The following TASOR variants were observed in gnomAD, a reference collection of about 807,000 sequenced individuals.
TASOR encodes the protein transcription activation suppressor, also known as protein TASOR.
Under a neutral mutation model 178.6 loss-of-function variants are expected in TASOR, and 53 were observed. The observed-to-expected ratio is 0.30, with a 90% CI of 0.24 to 0.37. TASOR has a LOEUF of 0.37. Among genes scored for constraint, TASOR ranks in the 10% least tolerant of loss-of-function variants. TASOR has a pLI of 1.00. For synonymous variants in TASOR, 713 were observed against 696.2 expected (o/e 1.02, Z -0.38); for missense variants, 1,815 against 1,971.4 (o/e 0.92, Z 1.50).
intron 11 of TASOR, among the ~76,000 whole-genome samples, chr3:56,653,883 C>T (rs1255574278): frequency 2.0e-5 from 3 of 151,984 alleles, no homozygotes; most frequent in South Asian, 2.1e-4. Context: ...CACATTAAAA[C>T]GTGAAATGCA....
At chr3:56,675,649 TAG>T (rs1559855685) in intron 1 of TASOR, among the ~76,000 whole-genome samples, 1 of 152,204 alleles carries the variant, frequency 6.6e-6, no homozygotes, top group Non-Finnish European at 1.5e-5. Flanking sequence ...CTTTTCACTG[TAG>T]AGAGAACTAC....
chr3:56,630,689 C>CA (rs1444350824), intron 18 of TASOR, among the ~76,000 whole-genome samples: 1 of 151,842 alleles, frequency 6.6e-6, no homozygotes, highest in Non-Finnish European at 1.5e-5. Context: ...ACTAAAAATA[C>CA]AAAAAATTAG....
intron 11 of TASOR, among the ~76,000 whole-genome samples, chr3:56,650,822 T>C (rs1559835470): frequency 6.6e-6 from 1 of 152,224 alleles, no homozygotes; most frequent in Non-Finnish European, 1.5e-5. Context: ...CTAAGTCTCT[T>C]AGAGTATACT....
Position 56,647,062 on chromosome 3 carries a change from TTACA to T in TASOR, c.1671_1674del (p.Tyr557Ter), listed in dbSNP as rs1264638859. 6.2e-7 allele frequency: 1 copy of T among 1,607,380 alleles called. No individual in the cohort carries two copies. The highest frequency in any genetic ancestry group is 1.7e-5 in the Admixed American group (1 of 58,070). Reference sequence around the variant, plus strand: ...CCAAAACCTCGCTTAAAAAATTCACTTACATACTTTTCAACAACAGAATGAAAAT... The same window carrying T: ...CCAAAACCTCGCTTAAAAAATTCACTTACTTTTCAACAACAGAATGAAAAT... On this transcript the variant is annotated frameshift_variant, in exon 14 of 24. Coordinates refer to ENST00000683822, the MANE Select transcript of TASOR (RefSeq NM_001365635.2). LOFTEE classifies it high-confidence loss of function.
intron 16 of TASOR, among the ~76,000 whole-genome samples, chr3:56,639,358 T>C (rs1435891001): frequency 1.3e-5 from 2 of 152,008 alleles, no homozygotes; most frequent in East Asian, 3.9e-4. Context: ...ATTAAGAGTA[T>C]GTATTTATGT....
intron 1 of TASOR, among the ~76,000 whole-genome samples, chr3:56,676,450 T>C (rs2031307492): frequency 6.6e-6 from 1 of 152,230 alleles, no homozygotes; most frequent in African/African-American, 2.4e-5. Context: ...ATCTTTGTGA[T>C]AATTGTCCCC....
At chr3:56,650,036 G>A (rs1158430740) in intron 11 of TASOR, among the ~76,000 whole-genome samples, 4 of 152,208 alleles carry the variant, frequency 2.6e-5, no homozygotes, top group African/African-American at 4.8e-5. Context: ...ACAACAGTAA[G>A]AAAGAAGACT....
intron 7 of TASOR, 45 bp from the exon 8 acceptor site, chr3:56,663,617 A>G (rs1284687366): frequency 3.1e-6 from 4 of 1,287,726 alleles, no homozygotes; most frequent in Non-Finnish European, 4.0e-6. Context: ...TCATTAGTAT[A>G]ATCATAAAAA....
chr3:56,647,045 T>C lies in TASOR; in HGVS notation c.1692A>G (p.Arg564=). The C allele has an allele frequency of 1.9e-6, 3 of 1,602,398 alleles. No individual in the cohort carries two copies. Among genetic ancestry groups the C allele is most frequent in the Non-Finnish European group, 2.5e-6 (3 of 1,177,176 alleles). The change falls in exon 14 of 24, where the codon CGA becomes CGG. Residue 564 remains arginine, a synonymous_variant. Coordinates refer to ENST00000683822, the MANE Select transcript of TASOR (RefSeq NM_001365635.2). ...VEKYVSEFFK[R]GFGSGKREFI... ...ACTCTCGTTTACCTGAACCAAAACC[T>C]CGCTTAAAAAATTCACTTACATACT... is the stretch of plus-strand genomic sequence containing the variant.
At chr3:56,640,180 T>G (rs552969573) in intron 15 of TASOR, 50 bp from the exon 16 acceptor site, 1 of 1,536,510 alleles carries the variant, frequency 6.5e-7, no homozygotes, top group South Asian at 1.2e-5. Context: ...TTCATTTTAA[T>G]GTCAAGAATA....
At chr3:56,626,885 C>T (rs2076811348) in intron 21 of TASOR, 152 bp downstream of exon 21, 1 of 500,568 alleles carries the variant, frequency 2.0e-6, no homozygotes, top group Middle Eastern at 4.6e-4. Context: ...CTTATAAAGG[C>T]TAGAATAATT....
chr3:56,648,831 T>A lies in TASOR; in HGVS notation c.1504A>T (p.Ile502Leu), dbSNP rs1174732818. 1 of 1,608,498 alleles carries A rather than the reference T, an allele frequency of 6.2e-7. No individual in the cohort carries two copies. Among genetic ancestry groups the A allele is most frequent in the African/African-American group, 1.3e-5 (1 of 74,744 alleles). The change falls in exon 13 of 24, where the codon ATA becomes TTA. Residue 502 changes from isoleucine (I) to leucine (L), a missense_variant. Ile to Leu is a conservative substitution (Grantham distance 5, BLOSUM62 2). This residue lies in a region of TASOR where 504 missense variants were observed against 645.3 expected (regional missense o/e 0.78). Transcript: ENST00000683822. ...TATTCAAAGAACTTACAAGTAACTA[T>A]GCTTCTAGGTTCTTGAAATAGAAAC... ...ALFLFQEPRS[I>L]VTSQKGSTNA...
chr3:56,653,527 C>T (rs556832797), intron 11 of TASOR, among the ~76,000 whole-genome samples: 25 of 151,024 alleles, frequency 1.7e-4, no homozygotes, highest in South Asian at 1.0e-3. Flanking sequence ...TGAGAGCTAA[C>T]CCCTAAACAA....
At chr3:56,642,359 T>C (rs2077142177) in intron 14 of TASOR, among the ~76,000 whole-genome samples, 1 of 152,240 alleles carries the variant, frequency 6.6e-6, no homozygotes, top group African/African-American at 2.4e-5. Flanking sequence ...CGTTAAGACA[T>C]GGTTTCATGC....
intron 1 of TASOR, among the ~76,000 whole-genome samples, chr3:56,675,272 G>C (rs1480021905): frequency 6.6e-6 from 1 of 151,914 alleles, no homozygotes; most frequent in East Asian, 1.9e-4. Flanking sequence ...CGCCTCCCAG[G>C]TTCAAGCGAT....
intron 6 of TASOR, among the ~76,000 whole-genome samples, chr3:56,667,561 G>A (rs1400578509): frequency 6.6e-6 from 1 of 152,196 alleles, no homozygotes; most frequent in Non-Finnish European, 1.5e-5. Context: ...GGAGGCTGAG[G>A]CAGGAGAATC....
intron 13 of TASOR, among the ~76,000 whole-genome samples, chr3:56,648,281 A>G (rs1462928501): frequency 1.3e-5 from 2 of 152,160 alleles, no homozygotes; most frequent in Non-Finnish European, 2.9e-5. Flanking sequence ...TATAACAATT[A>G]TAATCAAGCT....
chr3:56,641,064 T>C (rs576656313), intron 15 of TASOR, among the ~76,000 whole-genome samples: 2 of 152,250 alleles, frequency 1.3e-5, no homozygotes, highest in South Asian at 2.1e-4. Context: ...TAACTCCCAA[T>C]AAGCCATTTC....
At position 56,646,923 on chromosome 3, in the gene TASOR, T is replaced by C. The variant is rs1207841899; in HGVS notation, c.1814A>G (p.Tyr605Cys). ...KSHIDTCLHA[Y>C]IFRPEVYQLP... Reference sequence around the variant, plus strand: ...CTGATACACTTCAGGCCGAAAAATATAGGCATGCAAACAAGTATCAATATG... The same window carrying C: ...CTGATACACTTCAGGCCGAAAAATACAGGCATGCAAACAAGTATCAATATG... Residue 605 changes from tyrosine (Y) to cysteine (C), a missense_variant, in exon 14 of 24, where the codon TAT (tyrosine) becomes TGT (cysteine). By Grantham distance (194) the Tyr-to-Cys change is radical. This residue lies in a region of TASOR where 504 missense variants were observed against 645.3 expected (regional missense o/e 0.78). Coordinates refer to ENST00000683822, the MANE Select transcript of TASOR (RefSeq NM_001365635.2). 1.9e-6 allele frequency: 3 copies of C among 1,612,010 alleles called. No homozygotes were observed. The highest frequency in any genetic ancestry group is 3.4e-5 in the Admixed American group (2 of 59,630).
Sources: gnomAD v4.1 joint callset for allele counts (sites outside exome capture counted in the v4.1 genomes callset) on GRCh38, gnomAD v4.1.1 for gene constraint, gnomAD v4.1.1 regional missense constraint, MANE v1.5 for transcripts, NCBI Gene and HGNC (gene_info 2026-07-23, HGNC 2026-07-21) for gene names.